Variants in SLC22A12 observed in about 807,000 individuals in gnomAD.
The protein encoded by SLC22A12 is organic anion transporter 4-like protein.
A neutral mutation model predicts 52.7 loss-of-function variants in SLC22A12; 56 were observed. The observed-to-expected ratio is 1.06, with a 90% confidence interval of 0.86 to 1.33. SLC22A12 has a LOEUF of 1.33. Among genes scored for constraint, SLC22A12 ranks in the 40% most tolerant of loss-of-function variants. The pLI is 0.00. For synonymous variants in SLC22A12, 337 were observed against 324.6 expected (o/e 1.04, Z -0.41); for missense variants, 683 against 741.5 (o/e 0.92, Z 0.92).
At position 64,591,749 on chromosome 11, in the gene SLC22A12, G is replaced by C; in HGVS notation, c.193G>C (p.Gly65Arg). 1 of 1,612,844 alleles carries C rather than the reference G, an allele frequency of 6.2e-7. No homozygotes were observed. The highest frequency in any genetic ancestry group is 8.5e-7 in the Non-Finnish European group (1 of 1,179,990). Reference protein sequence around the residue: ...DNSTAQASILGSLSPEALLAI... With the variant: ...DNSTAQASILRSLSPEALLAI... ...CAGCACGGCTCAGGCCAGCATCCTA[G>C]GGAGCTTGAGTCCTGAGGCCCTCCT... Residue 65 changes from glycine (G) to arginine (R), a missense_variant, in exon 1 of 10, where the codon GGG (glycine) becomes CGG (arginine). By Grantham distance (125) the Gly-to-Arg change is moderately radical. Coordinates refer to ENST00000377574, the MANE Select transcript of SLC22A12 (RefSeq NM_144585.4).
intron 8 of SLC22A12, 49 bp downstream of exon 8, chr11:64,600,524 C>A: frequency 2.7e-6 from 4 of 1,487,572 alleles, no homozygotes; most frequent in Non-Finnish European, 3.6e-6. Flanking sequence ...GGCTGAGCTG[C>A]GGGGCACCCC....
Position 64,599,675 on chromosome 11 carries a change from G to T in SLC22A12, c.1071-1G>T. ...CCTGACTTCCCTGACCCCTGCCCCA[G>T]GTTCGCCTTTGGCTTCACCTTCTTC... is the stretch of plus-strand genomic sequence containing the variant. On this transcript the variant is annotated splice_acceptor_variant, in intron 6 of 9. Transcript: ENST00000377574. LOFTEE classifies it high-confidence loss of function. The T allele has an allele frequency of 6.6e-7, 1 of 1,503,992 alleles. No homozygotes were observed. Among genetic ancestry groups the T allele is most frequent in the Non-Finnish European group, 8.9e-7 (1 of 1,125,436 alleles). 93.2% of individuals were successfully genotyped at this position (1,503,992 alleles called of 1,614,324 possible).
chr11:64,600,534 C>A, intron 8 of SLC22A12, 59 bp downstream of exon 8: 1 of 1,453,316 alleles, frequency 6.9e-7, no homozygotes, highest in Non-Finnish European at 9.3e-7. Flanking sequence ...CGGGGCACCC[C>A]CAGGCAGGAC....
chr11:64,595,733 G>GA (rs2039157774), intron 4 of SLC22A12, among the ~76,000 whole-genome samples: 1 of 149,272 alleles, frequency 6.7e-6, no homozygotes, highest in African/African-American at 2.5e-5. Context: ...GGAATAGACG[G>GA]ATGGATGGAT....
Position 64,591,705 on chromosome 11 carries a change from G to A in SLC22A12, c.149G>A (p.Trp50Ter), listed in dbSNP as rs1163262384. 6.2e-7 allele frequency: 1 copy of A among 1,612,464 alleles called. No individual in the cohort carries two copies. Among genetic ancestry groups the A allele is most frequent in the Admixed American group, 1.7e-5 (1 of 60,026 alleles). ...FSAAVPSHRC[W>*]APLLDNSTAQ... ...GCCGCCGTGCCCAGCCACCGCTGCT[G>A]GGCACCCCTCCTGGACAACAGCACG... is the stretch of plus-strand genomic sequence containing the variant. The change falls in exon 1 of 10, where the codon TGG (tryptophan) becomes TAG (stop). Residue 50 changes from tryptophan (W) to a stop codon, truncating the protein, a stop_gained. Transcript: ENST00000377574. LOFTEE classifies it high-confidence loss of function.
chr11:64,600,996 G>A, intron 9 of SLC22A12, 58 bp downstream of exon 9: 2 of 1,590,302 alleles, frequency 1.3e-6, no homozygotes, highest in East Asian at 2.2e-5. Context: ...CCTAGCACAG[G>A]GCAGCCTGCT....
Position 64,599,033 on chromosome 11 carries a change from A to G in SLC22A12, c.1070+110A>G, listed in dbSNP as rs1191250032. 6 of 1,427,046 alleles carry G rather than the reference A, an allele frequency of 4.2e-6. No homozygotes were observed. In the African/African-American group the frequency reaches 8.5e-5, roughly 20 times the overall value. 88.4% of individuals were successfully genotyped at this position (1,427,046 alleles called of 1,614,324 possible). On this transcript the variant is annotated intron_variant, in intron 6 of 9. Transcript: ENST00000377574. ...CTCCGCTTGGTCCCACTGGCCTGCA[A>G]CACCGACACCTTCCCCTCTGTCAGT...
chr11:64,594,174 A>C (rs1028899424), intron 4 of SLC22A12, among the ~76,000 whole-genome samples: 1 of 152,348 alleles, frequency 6.6e-6, no homozygotes, highest in East Asian at 1.9e-4. Context: ...GCATGGCAGC[A>C]CTGAGCTAGG....
At chr11:64,595,858 T>TGG (rs2039170413) in intron 4 of SLC22A12, among the ~76,000 whole-genome samples, 1 of 141,552 alleles carries the variant, frequency 7.1e-6, no homozygotes, top group African/African-American at 2.7e-5. Context: ...GATGGATGGA[T>TGG]AGTTGAATGG....
At chr11:64,601,339 A>C (rs1289450471) in intron 9 of SLC22A12, 149 bp from the exon 10 acceptor site, 7 of 775,248 alleles carry the variant, frequency 9.0e-6, no homozygotes, top group African/African-American at 5.2e-5. Flanking sequence ...CTTCACACAC[A>C]CCCCCAACCC....
chr11:64,601,688 C>A lies in SLC22A12; in HGVS notation c.*137C>A. The A allele has an allele frequency of 1.0e-6, 1 of 961,172 alleles. No individual in the cohort carries two copies. The highest frequency in any genetic ancestry group is 1.6e-6 in the Non-Finnish European group (1 of 618,818). 59.5% of individuals were successfully genotyped at this position (961,172 alleles called of 1,614,324 possible). On this transcript the variant is annotated 3_prime_UTR_variant, in exon 10 of 10. Coordinates refer to ENST00000377574, the MANE Select transcript of SLC22A12 (RefSeq NM_144585.4). The stretch of plus-strand genomic sequence containing the variant: ...CTGAGGTCCCCACTCTCCCCCAGGG[C>A]TGCCCCTCCAGGTGAGCCCTGCCCC...
intron 4 of SLC22A12, among the ~76,000 whole-genome samples, chr11:64,594,994 G>A (rs2039067641): frequency 1.5e-5 from 2 of 134,634 alleles, no homozygotes; most frequent in Non-Finnish European, 3.2e-5. Context: ...TGGGTGGATG[G>A]ATGGATGGAT....
At position 64,601,571 on chromosome 11, in the gene SLC22A12, T is replaced by C. The variant is rs1430476312; in HGVS notation, c.*20T>C. 1.2e-6 allele frequency: 2 copies of C among 1,613,208 alleles called. No homozygotes were observed. Among genetic ancestry groups the C allele is most frequent in the Admixed American group, 1.7e-5 (1 of 59,968 alleles). ...TTTTAGCCTCCTGGGGAACCTGCGA[T>C]GGGACGGTCAGAGGAAGAGACTTCT... On this transcript the variant is annotated 3_prime_UTR_variant, in exon 10 of 10. Coordinates refer to ENST00000377574, the MANE Select transcript of SLC22A12 (RefSeq NM_144585.4).
intron 4 of SLC22A12, among the ~76,000 whole-genome samples, chr11:64,594,698 T>C (rs1025180337): frequency 3.4e-5 from 5 of 147,256 alleles, no homozygotes; most frequent in Non-Finnish European, 7.5e-5. Context: ...GATGGATGGA[T>C]GGATGGATGG....
rs2039460123 is a variant in SLC22A12 at position 64,601,709 on chromosome 11, G to T, written c.*158G>T. ...AGGGCTGCCCCTCCAGGTGAGCCCT[G>T]CCCCTCTCACAGTCCAAGGGGCCCC... On this transcript the variant is annotated 3_prime_UTR_variant, in exon 10 of 10. Transcript: ENST00000377574. 5.1e-6 allele frequency: 4 copies of T among 777,500 alleles called. No individual in the cohort carries two copies. The highest frequency in any genetic ancestry group is 1.7e-5 in the African/African-American group (1 of 57,796). The allele number at this position is 777,500 out of a possible 1,614,324, so 48.2% of individuals were successfully genotyped here.
chr11:64,595,423 A>G (rs2135453152), intron 4 of SLC22A12, among the ~76,000 whole-genome samples: 2 of 105,446 alleles, frequency 1.9e-5, no homozygotes, highest in Admixed American at 1.1e-4. Flanking sequence ...GGATGTTTGG[A>G]ATAGATGGAT....
chr11:64,593,404 G>C lies in SLC22A12; in HGVS notation c.507-1G>C. 1 of 1,614,140 alleles carries C rather than the reference G, an allele frequency of 6.2e-7. No individual in the cohort carries two copies. Among genetic ancestry groups the C allele is most frequent in the Non-Finnish European group, 8.5e-7 (1 of 1,180,050 alleles). The stretch of plus-strand genomic sequence containing the variant: ...CTGCCTCTTCCTGGTTTGTGCCGCA[G>C]GTTTGGGCGCAGGCTGGTGCTAACC... On this transcript the variant is annotated splice_acceptor_variant, in intron 2 of 9. Transcript: ENST00000377574. LOFTEE classifies it high-confidence loss of function.
chr11:64,595,944 ATGG>A (rs2039180693), intron 4 of SLC22A12, among the ~76,000 whole-genome samples: 2 of 127,590 alleles, frequency 1.6e-5, no homozygotes, highest in Admixed American at 1.6e-4. Context: ...GGATGGATGG[ATGG>A]ATGGATGGAT....
At position 64,598,612 on chromosome 11, in the gene SLC22A12, G is replaced by A; in HGVS notation, c.927G>A (p.Gly309=). 1.2e-6 allele frequency: 2 copies of A among 1,611,128 alleles called. No individual in the cohort carries two copies. The highest frequency in any genetic ancestry group is 8.5e-7 in the Non-Finnish European group (1 of 1,179,262). The change falls in exon 5 of 10, where the codon GGG becomes GGA. Residue 309 remains glycine (G), a synonymous_variant. Transcript: ENST00000377574. ...GGGTGGCTGCCATCAACGGAAAGGG[G>A]GCAGTGCAGGACACCCTGACCCCTG... ...LWRVAAINGK[G]AVQDTLTPEV...
Sources: gnomAD v4.1 joint callset for allele counts (sites outside exome capture counted in the v4.1 genomes callset) on GRCh38, gnomAD v4.1.1 for gene constraint, MANE v1.5 for transcripts, NCBI Gene and HGNC (gene_info 2026-07-23, HGNC 2026-07-21) for gene names.